RNF217: variants seen among roughly 807,000 people sequenced by gnomAD.
RNF217 encodes ring finger protein 217.
Under a neutral mutation model 57.8 loss-of-function variants are expected in RNF217, and 31 were observed. The ratio of observed to expected loss-of-function variants is 0.54; its 90% CI spans 0.40 to 0.72. RNF217 has a LOEUF of 0.72. Ranked by LOEUF, RNF217 falls within the 30% of genes least tolerant of loss-of-function variation. The pLI, the probability that RNF217 is intolerant of heterozygous loss-of-function variation, is 0.00. For missense variants in RNF217, 696 were observed against 708.3 expected (o/e 0.98, Z 0.20); for synonymous variants, 313 against 294.0 (o/e 1.06, Z -0.66).
intron 3 of RNF217, among the ~76,000 whole-genome samples, chr6:125,065,377 A>G (rs1197111680): frequency 6.6e-6 from 1 of 152,176 alleles, no homozygotes; most frequent in Admixed American, 6.6e-5. Context: ...GATATTTCAA[A>G]CAGAGTTTTA....
chr6:125,023,467 C>T (rs1360387950), intron 1 of RNF217, among the ~76,000 whole-genome samples: 3 of 152,164 alleles, frequency 2.0e-5, no homozygotes, highest in Non-Finnish European at 4.4e-5. Flanking sequence ...CCCTTGTATA[C>T]TGTTGGTGGG....
At chr6:125,038,495 G>A (rs1013844347) in intron 1 of RNF217, among the ~76,000 whole-genome samples, 2 of 151,938 alleles carry the variant, frequency 1.3e-5, no homozygotes, top group Non-Finnish European at 2.9e-5. Flanking sequence ...TATTATTCAG[G>A]GTATAGAAGA....
At chr6:125,052,026 G>T (rs1373525753) in intron 2 of RNF217, among the ~76,000 whole-genome samples, 1 of 152,156 alleles carries the variant, frequency 6.6e-6, no homozygotes, top group South Asian at 2.1e-4. Flanking sequence ...GTAGGAGCAA[G>T]ATGGACTGAT....
chr6:125,079,243 A>G (rs1228891695), intron 4 of RNF217, among the ~76,000 whole-genome samples: 1 of 152,200 alleles, frequency 6.6e-6, no homozygotes, highest in Non-Finnish European at 1.5e-5. Flanking sequence ...GCGTGGGCAG[A>G]TTATTAAAGG....
rs781260447 is a variant in RNF217, at chr6:125,082,911, C to T, written c.1603C>T (p.Arg535Ter). ...IYCLCKKQRK[R>*]SRTGMHW is the part of the protein sequence containing the mutation. ...TTGCCTTTGTAAAAAACAGAGAAAA[C>T]GATCACGGACAGGTATGCACTGGTA... The change falls in exon 6 of 6, where the codon CGA (arginine) becomes TGA (stop). Residue 535 changes from arginine (R) to a stop codon, truncating the protein, a stop_gained. Coordinates refer to ENST00000521654, the MANE Select transcript of RNF217 (RefSeq NM_001286398.3). LOFTEE classifies it high-confidence loss of function. 1.2e-5 allele frequency: 19 copies of T among 1,604,228 alleles called. No individual in the cohort carries two copies. Among genetic ancestry groups the T allele is most frequent in the South Asian group, 2.2e-5 (2 of 89,050 alleles).
intron 1 of RNF217, 39 bp downstream of exon 1, chr6:124,963,465 A>G (rs1230356630): frequency 1.7e-5 from 24 of 1,433,578 alleles, no homozygotes; most frequent in East Asian, 7.6e-5. Flanking sequence ...TATCATTCCA[A>G]ATCACTGGCG....
intron 1 of RNF217, among the ~76,000 whole-genome samples, chr6:125,019,065 TA>T (rs1215786462): frequency 6.6e-6 from 1 of 152,164 alleles, no homozygotes; most frequent in East Asian, 1.9e-4. Flanking sequence ...GATCTCCCAG[TA>T]AAAAAGCCCG....
At chr6:125,069,487 A>T (rs1018544916) in intron 3 of RNF217, among the ~76,000 whole-genome samples, 1 of 152,246 alleles carries the variant, frequency 6.6e-6, no homozygotes, top group East Asian at 1.9e-4. Flanking sequence ...ATGTGATTTC[A>T]TTCTTCTTTA....
intron 1 of RNF217, among the ~76,000 whole-genome samples, chr6:125,002,416 C>G (rs553131552): frequency 6.6e-6 from 1 of 151,748 alleles, no homozygotes; most frequent in Non-Finnish European, 1.5e-5. Context: ...ATTTCTGTAT[C>G]CAAATGCTGT....
rs570088180 is a variant in RNF217 at position 125,009,395 on chromosome 6, A to AT, written c.883-35810dup. 1.4e-4 allele frequency: 91 copies of AT among 654,454 alleles called. 1 individual carries two copies. In the South Asian group the frequency reaches 2.0e-3, roughly 14 times the overall value. The allele number at this position is 654,454 out of a possible 1,614,324, so 40.5% of individuals were successfully genotyped here. ...ACAGACATAGAGCCTGGAAGAGTAG[A>AT]TTTTTTCACTTTCCTTGAGTATAAG... On this transcript the variant is annotated intron_variant, in intron 1 of 5. Coordinates refer to ENST00000521654, the MANE Select transcript of RNF217 (RefSeq NM_001286398.3).
rs1037549280 is a variant in RNF217 at position 125,019,834 on chromosome 6, G to GT, written c.883-25377_883-25376insT. 9.3e-4 allele frequency among the ~76,000 whole-genome samples: 132 copies of GT among 141,590 alleles called. 3 individuals are homozygous for GT. Among genetic ancestry groups the GT allele is most frequent in the African/African-American group, 3.1e-3 (124 of 39,370 alleles). 92.9% of individuals were successfully genotyped at this position (141,590 alleles called of 152,430 possible). ...TGCTTGATGTCCCCTTTTTTGCAGT[G>GT]GGGGGGGAGTGAAAAAATCCTTTAT... On this transcript the variant is annotated intron_variant, in intron 1 of 5. Coordinates refer to ENST00000521654, the MANE Select transcript of RNF217 (RefSeq NM_001286398.3).
Position 125,057,936 on chromosome 6 carries a change from A to T in RNF217, c.1117-6A>T. On this transcript the variant is annotated splice_polypyrimidine_tract_variant and splice_region_variant and intron_variant, in intron 2 of 5. Coordinates refer to ENST00000521654, the MANE Select transcript of RNF217 (RefSeq NM_001286398.3). ...TAGTAATTAATATGATTTTTTTCTT[A>T]CACAGATCCAGTGCCCTACCTGCCA... The T allele has an allele frequency of 1.3e-6, 2 of 1,594,740 alleles. No individual in the cohort carries two copies. Among genetic ancestry groups the T allele is most frequent in the Middle Eastern group, 1.7e-4 (1 of 5,974 alleles).
At chr6:125,032,502 G>T (rs889782902) in intron 1 of RNF217, among the ~76,000 whole-genome samples, 2 of 151,596 alleles carry the variant, frequency 1.3e-5, no homozygotes, top group Non-Finnish European at 2.9e-5. Context: ...AGAATATTTT[G>T]TCAAGTAAAG....
chr6:125,076,679 G>A lies in RNF217; in HGVS notation c.1304G>A (p.Gly435Glu). The change falls in exon 4 of 6, where the codon GGA becomes GAA. Residue 435 changes from glycine (G) to glutamate (E), a missense_variant. Coordinates refer to ENST00000521654, the MANE Select transcript of RNF217 (RefSeq NM_001286398.3). ...KCKIHIQRTE[G>E]CDHMTCSQCN... is the part of the protein sequence containing the mutation. The stretch of plus-strand genomic sequence containing the variant: ...CAGATCCACATCCAGCGAACTGAAG[G>A]ATGTGACCATATGACCTGCTCACAA... 2.5e-6 allele frequency: 4 copies of A among 1,611,320 alleles called. No individual in the cohort carries two copies. Among genetic ancestry groups the A allele is most frequent in the Non-Finnish European group, 3.4e-6 (4 of 1,177,694 alleles).
rs370447379 is a variant in RNF217, at chr6:125,083,068, G to C, written c.*131G>C. 3.3e-6 allele frequency: 2 copies of C among 601,518 alleles called. No individual in the cohort carries two copies. Among genetic ancestry groups the C allele is most frequent in the Non-Finnish European group, 5.6e-6 (2 of 355,822 alleles). The allele number at this position is 601,518 out of a possible 1,614,324, so 37.3% of individuals were successfully genotyped here. A position where few individuals can be genotyped will look rare whatever the true frequency, so the allele number is the denominator to read the frequency against. On this transcript the variant is annotated 3_prime_UTR_variant, in exon 6 of 6. Coordinates refer to ENST00000521654, the MANE Select transcript of RNF217 (RefSeq NM_001286398.3). The stretch of plus-strand genomic sequence containing the variant: ...CCATCTCATCTCCCAGTGATTCTCC[G>C]TGGGCCACAATGCCTCTAGCTATGG...
intron 1 of RNF217, among the ~76,000 whole-genome samples, chr6:125,033,598 T>G (rs1357758586): frequency 1.3e-5 from 2 of 151,496 alleles, no homozygotes; most frequent in Non-Finnish European, 2.9e-5. Context: ...CTATCATTGT[T>G]GGACATTTGG....
intron 1 of RNF217, among the ~76,000 whole-genome samples, chr6:124,990,667 C>G (rs1278345396): frequency 6.6e-6 from 1 of 152,150 alleles, no homozygotes; most frequent in East Asian, 1.9e-4. Flanking sequence ...CTCACCATTT[C>G]CCCTGCTACC....
At position 125,086,371 on chromosome 6, in the gene RNF217, T is replaced by C. The variant is rs1157499781; in HGVS notation, c.*3434T>C. On this transcript the variant is annotated 3_prime_UTR_variant, in exon 6 of 6. Transcript: ENST00000521654. ...TGTCAGATAATGTGAGAGAGATGAA[T>C]TGACTTTTGGATTGCCTCATTTTAA... 1 of 151,942 alleles carries C rather than the reference T, an allele frequency of 6.6e-6. No individual in the cohort carries two copies. The highest frequency in any genetic ancestry group is 1.5e-5 in the Non-Finnish European group (1 of 67,954). 9.4% of individuals were successfully genotyped at this position (151,942 alleles called of 1,614,324 possible).
chr6:125,065,126 A>C (rs1010575682), intron 3 of RNF217, among the ~76,000 whole-genome samples: 6 of 151,728 alleles, frequency 4.0e-5, no homozygotes, highest in African/African-American at 1.5e-4. Context: ...ATAAAAAATA[A>C]AAGATAAAAA....
Sources: allele counts gnomAD v4.1 joint callset (sites outside exome capture counted in the v4.1 genomes callset), GRCh38; gene constraint gnomAD v4.1.1; transcripts MANE v1.5; gene names NCBI Gene and HGNC (gene_info 2026-07-23, HGNC 2026-07-21).